Variants in PDZD2 observed in about 807,000 individuals in gnomAD.
The protein encoded by PDZD2 is PDZ domain-containing protein 2.
A neutral mutation model predicts 220.7 loss-of-function variants in PDZD2; 90 were observed. The ratio of observed to expected loss-of-function variants is 0.41; its 90% CI spans 0.34 to 0.49. The LOEUF is 0.49. Ranked by LOEUF, PDZD2 falls within the 20% of genes least tolerant of loss-of-function variation. PDZD2 has a pLI of 0.28. For missense variants in PDZD2, 3,174 were observed against 3,608.5 expected, an observed-to-expected ratio of 0.88 and a Z score of 3.08; for synonymous variants, 1,375 against 1,450.5, an observed-to-expected ratio of 0.95 and a Z score of 1.18.
chr5:31,848,776 A>T (rs954387736), intron 2 of PDZD2, among the ~76,000 whole-genome samples: 7 of 141,770 alleles, frequency 4.9e-5, no homozygotes, highest in African/African-American at 1.9e-4. Context: ...TGGGCCGGGC[A>T]CGGTGGCTCA....
chr5:31,958,214 T>C (rs1317281919), intron 2 of PDZD2, among the ~76,000 whole-genome samples: 1 of 152,070 alleles, frequency 6.6e-6, no homozygotes, highest in East Asian at 1.9e-4. Context: ...GCAGGCATCA[T>C]TTGTGAAATA....
intron 1 of PDZD2, among the ~76,000 whole-genome samples, chr5:31,682,229 G>A (rs1280462768): frequency 6.6e-6 from 1 of 152,128 alleles, no homozygotes; most frequent in South Asian, 2.1e-4. Context: ...TCGCAGAGGG[G>A]CTTAGGCAGG....
At chr5:32,016,595 G>C (rs1019139124) in intron 6 of PDZD2, among the ~76,000 whole-genome samples, 2 of 152,180 alleles carry the variant, frequency 1.3e-5, no homozygotes, top group Admixed American at 1.3e-4. Context: ...CTTGAGGATA[G>C]AGGGTTACCA....
chr5:32,002,722 ACCAACACACACACC>A lies in PDZD2; in HGVS notation c.1254+2455_1254+2468del, dbSNP rs1480991968. ...CACCACCAACACACACACCCCACAC[ACCAACACACACACC>A]CCACACACCAACACACACACCCCAC... is the stretch of plus-strand genomic sequence containing the variant. On this transcript the variant is annotated intron_variant, in intron 5 of 24. Coordinates refer to ENST00000438447, the MANE Select transcript of PDZD2 (RefSeq NM_178140.4). 5.9e-4 allele frequency among the ~76,000 whole-genome samples: 60 copies of A among 101,408 alleles called. 2 individuals are homozygous for A. In the South Asian group the frequency reaches 0.011, roughly 18 times the overall value. The allele number at this position is 101,408 out of a possible 152,430, so 66.5% of individuals were successfully genotyped here. A position where few individuals can be genotyped will look rare whatever the true frequency, so the allele number is the denominator to read the frequency against.
At chr5:31,915,765 A>G (rs1743623975) in intron 2 of PDZD2, among the ~76,000 whole-genome samples, 1 of 152,204 alleles carries the variant, frequency 6.6e-6, no homozygotes, top group Non-Finnish European at 1.5e-5. Flanking sequence ...GACCAGTAGT[A>G]TGTAGACAGG....
chr5:31,777,838 G>A (rs908353126), intron 1 of PDZD2, among the ~76,000 whole-genome samples: 3 of 144,566 alleles, frequency 2.1e-5, no homozygotes, highest in African/African-American at 4.9e-5. Context: ...GTGGGGACTT[G>A]GAGAACTTTT....
chr5:32,088,554 T>A lies in PDZD2; in HGVS notation c.5106T>A (p.Ala1702=). The change falls in exon 20 of 25, where the codon GCT becomes GCA. Residue 1702 remains alanine, a synonymous_variant. Coordinates refer to ENST00000438447, the MANE Select transcript of PDZD2 (RefSeq NM_178140.4). This position sits in a 1 kb window ranked among gnomAD's most constrained non-coding sequence, Gnocchi z 4.6. Reference sequence around the variant, plus strand: ...AAGAAACCACAGAAGTCACCAGCGCTAGCTCAGCCATGGAAAACAGTCCGC... The same window carrying A: ...AAGAAACCACAGAAGTCACCAGCGCAAGCTCAGCCATGGAAAACAGTCCGC... The part of the protein sequence containing the change: ...CAEETTEVTS[A]SSAMENSPLS... The A allele has an allele frequency of 6.2e-7, 1 of 1,613,862 alleles. No individual in the cohort carries two copies. The highest frequency in any genetic ancestry group is 8.5e-7 in the Non-Finnish European group (1 of 1,179,758).
intron 2 of PDZD2, among the ~76,000 whole-genome samples, chr5:31,801,942 A>G (rs1018080376): frequency 3.9e-5 from 6 of 152,148 alleles, no homozygotes; most frequent in African/African-American, 1.4e-4. Context: ...CCAGCTACCA[A>G]TGGAGGATTC....
intron 2 of PDZD2, among the ~76,000 whole-genome samples, chr5:31,878,640 G>T (rs1481725404): frequency 3.7e-5 from 5 of 135,858 alleles, no homozygotes; most frequent in Admixed American, 1.8e-4. Flanking sequence ...GCTCACTGCA[G>T]GCTCCGCCCC....
At chr5:31,663,237 C>T (rs1345668118) in intron 1 of PDZD2, among the ~76,000 whole-genome samples, 1 of 152,178 alleles carries the variant, frequency 6.6e-6, no homozygotes, top group Non-Finnish European at 1.5e-5. Flanking sequence ...TTCCCTTCCA[C>T]TGATGATGAT....
At chr5:31,948,326 G>T (rs1020966047) in intron 2 of PDZD2, among the ~76,000 whole-genome samples, 1 of 152,274 alleles carries the variant, frequency 6.6e-6, no homozygotes, top group Admixed American at 6.5e-5. Context: ...TGCTGCTGCC[G>T]TAGATGGTGC....
rs750726298 is a variant in PDZD2 at position 32,057,692 on chromosome 5, G to A, written c.1938G>A (p.Lys646=). ...TAGATGTAAATGGAATACCAATAAAGGGCTTGACATTTCAAGAAGCCATTC... is the reference window on the plus strand; with the variant it reads ...TAGATGTAAATGGAATACCAATAAAAGGCTTGACATTTCAAGAAGCCATTC... ...EILDVNGIPI[K]GLTFQEAIHT... The change falls in exon 11 of 25, where the codon AAG becomes AAA. Residue 646 remains lysine (K), a synonymous_variant. Transcript: ENST00000438447. 6 of 1,595,692 alleles carry A rather than the reference G, an allele frequency of 3.8e-6. No individual in the cohort carries two copies. Among genetic ancestry groups the A allele is most frequent in the Non-Finnish European group, 4.3e-6 (5 of 1,164,330 alleles).
intron 2 of PDZD2, among the ~76,000 whole-genome samples, chr5:31,895,798 CAG>C (rs1163531328): frequency 6.6e-6 from 1 of 152,142 alleles, no homozygotes; most frequent in Non-Finnish European, 1.5e-5. Flanking sequence ...TTCCAAAAGA[CAG>C]TGTTATTATG....
At chr5:31,774,042 G>A (rs1449202378) in intron 1 of PDZD2, among the ~76,000 whole-genome samples, 2 of 152,116 alleles carry the variant, frequency 1.3e-5, no homozygotes, top group African/African-American at 4.8e-5. Context: ...CTCCCCAGCT[G>A]TTCATCCCTC....
intron 1 of PDZD2, among the ~76,000 whole-genome samples, chr5:31,647,822 G>A (rs1036371870): frequency 2.0e-5 from 3 of 152,166 alleles, no homozygotes; most frequent in African/African-American, 7.2e-5. Context: ...AACCCCTTTT[G>A]TGATGGAAAA....
At chr5:31,789,660 G>A (rs1753585989) in intron 1 of PDZD2, among the ~76,000 whole-genome samples, 1 of 152,226 alleles carries the variant, frequency 6.6e-6, no homozygotes, top group Non-Finnish European at 1.5e-5. Context: ...TGGGCGTGGT[G>A]GCTCATGCCT....
At chr5:32,104,736 A>C (rs1462539175) in intron 24 of PDZD2, among the ~76,000 whole-genome samples, 1 of 147,470 alleles carries the variant, frequency 6.8e-6, no homozygotes, top group African/African-American at 2.6e-5. Flanking sequence ...AAAAAAAAAA[A>C]AAAAAAAAAA....
chr5:32,058,326 C>T (rs950849806), intron 12 of PDZD2, among the ~76,000 whole-genome samples: 18 of 149,892 alleles, frequency 1.2e-4, no homozygotes, highest in Admixed American at 8.7e-4. Context: ...TCTCTAAGCT[C>T]TCCCCATGAA....
At chr5:31,820,130 A>G (rs1755743963) in intron 2 of PDZD2, among the ~76,000 whole-genome samples, 1 of 152,208 alleles carries the variant, frequency 6.6e-6, no homozygotes, top group Non-Finnish European at 1.5e-5. Flanking sequence ...GGATCTTGCA[A>G]TGAGGTGATG....
Sources: allele counts gnomAD v4.1 joint callset (sites outside exome capture counted in the v4.1 genomes callset), GRCh38; gene constraint gnomAD v4.1.1; non-coding constraint Gnocchi (gnomAD v3.1); transcripts MANE v1.5; gene names NCBI Gene and HGNC (gene_info 2026-07-23, HGNC 2026-07-21).